FSHR: variants seen among roughly 807,000 people sequenced by gnomAD.
FSHR encodes the protein follicle-stimulating hormone receptor.
A neutral mutation model predicts 52.1 loss-of-function variants in FSHR; 46 were observed. The ratio of observed to expected loss-of-function variants is 0.88; its 90% CI spans 0.70 to 1.13. The LOEUF is 1.13. Ranked by LOEUF, FSHR falls within the 50% of genes most tolerant of loss-of-function variation. The probability of loss-of-function intolerance (pLI) is 0.00; values close to 1 mark genes in which losing one functional copy is unlikely to be tolerated. For synonymous variants in FSHR, 399 were observed against 309.6 expected, an observed-to-expected ratio of 1.29 and a Z score of -3.03; for missense variants, 964 against 834.6, an observed-to-expected ratio of 1.16 and a Z score of -1.91.
chr2:48,989,022 A>T lies in FSHR; in HGVS notation c.479T>A (p.Ile160Asn), dbSNP rs121909659. ...CAGCCCCACGAAAGAATTTCTTTCA[A>T]TTGTGTGGATGTTTATGTTATCTTG... The part of the protein sequence containing the change: ...DIQDNINIHT[I>N]ERNSFVGLSF... The change falls in exon 6 of 10, where the codon ATT (isoleucine) becomes AAT (asparagine). Residue 160 changes from isoleucine (I) to asparagine (N), a missense_variant. Ile to Asn is a moderately radical substitution (Grantham distance 149). Transcript: ENST00000406846. 4 of 1,613,938 alleles carry T rather than the reference A, an allele frequency of 2.5e-6. No individual in the cohort carries two copies. Among genetic ancestry groups the T allele is most frequent in the Non-Finnish European group, 3.4e-6 (4 of 1,179,898 alleles).
At chr2:48,996,051 A>G (rs1676011500) in intron 4 of FSHR, among the ~76,000 whole-genome samples, 4 of 152,196 alleles carry the variant, frequency 2.6e-5, no homozygotes, top group Middle Eastern at 6.8e-3. Flanking sequence ...TTATCCTTTT[A>G]GCCAAAGCGC....
rs768956432 is a variant in FSHR at position 49,028,330 on chromosome 2, C to T, written c.225-8170G>A. 3.0e-4 allele frequency among the ~76,000 whole-genome samples: 45 copies of T among 152,180 alleles called. 1 individual carries two copies. Among genetic ancestry groups the T allele is most frequent in the Non-Finnish European group, 5.4e-4 (37 of 68,036 alleles). ...ACTAATGGCTTTGTCTCATCAGGGC[C>T]CTGCTGACTCATATTTGTCTTGGTT... On this transcript the variant is annotated intron_variant, in intron 2 of 9. Transcript: ENST00000406846.
Position 49,072,039 on chromosome 2 carries a change from A to G in FSHR, c.153-3749T>C, listed in dbSNP as rs148891428. ...GTCATAATGGCTGGAAACCCCACCA[A>G]GTCAATAAAGAACACTAAAAACATA... On this transcript the variant is annotated intron_variant, in intron 1 of 9. Coordinates refer to ENST00000406846, the MANE Select transcript of FSHR (RefSeq NM_000145.4). Among the ~76,000 whole-genome samples the G allele has an allele frequency of 2.0e-5, 3 of 152,308 alleles. No individual in the cohort carries two copies. The East Asian group carries it at 5.8e-4, about 29-fold the overall frequency.
intron 1 of FSHR, among the ~76,000 whole-genome samples, chr2:49,144,127 C>T (rs1672786749): frequency 6.6e-6 from 1 of 152,098 alleles, no homozygotes; most frequent in South Asian, 2.1e-4. Flanking sequence ...CTTTTCCCAA[C>T]CACCAGAATG....
intron 1 of FSHR, among the ~76,000 whole-genome samples, chr2:49,133,965 C>T (rs1672393626): frequency 1.3e-5 from 2 of 152,146 alleles, no homozygotes; most frequent in African/African-American, 4.8e-5. Flanking sequence ...CCTAAAAACC[C>T]TAGAAGGAAA....
In FSHR at chr2:49,139,878, G is replaced by A. The variant is rs190977997; in HGVS notation, c.152+14388C>T. 1.3e-4 allele frequency among the ~76,000 whole-genome samples: 20 copies of A among 152,214 alleles called. No individual in the cohort carries two copies. In the East Asian group the frequency reaches 3.7e-3, roughly 28 times the overall value. On this transcript the variant is annotated intron_variant, in intron 1 of 9. Transcript: ENST00000406846. ...CTCCCAAAGTGCTGAGATTACAGGCGTGAGCCACCGCACCCAGCCCCAAGA... is the reference window on the plus strand; with the variant it reads ...CTCCCAAAGTGCTGAGATTACAGGCATGAGCCACCGCACCCAGCCCCAAGA...
At chr2:49,114,689 A>G (rs1299417679) in intron 1 of FSHR, among the ~76,000 whole-genome samples, 1 of 152,176 alleles carries the variant, frequency 6.6e-6, no homozygotes. Context: ...AATAGCAACA[A>G]TCACAGTACT....
intron 1 of FSHR, among the ~76,000 whole-genome samples, chr2:49,108,759 G>T (rs781011520): frequency 1.3e-5 from 2 of 152,154 alleles, no homozygotes; most frequent in Non-Finnish European, 2.9e-5. Context: ...GTGAATTGTG[G>T]CCTGGAGGCA....
At chr2:48,996,165 TC>T (rs1199230991) in intron 4 of FSHR, among the ~76,000 whole-genome samples, 1 of 152,170 alleles carries the variant, frequency 6.6e-6, no homozygotes, top group Admixed American at 6.6e-5. Flanking sequence ...GCCATTTGAT[TC>T]TTTTACTCTT....
At chr2:49,141,426 G>A (rs1672683365) in intron 1 of FSHR, among the ~76,000 whole-genome samples, 1 of 152,050 alleles carries the variant, frequency 6.6e-6, no homozygotes. Context: ...GGAGGAACAG[G>A]AATCCCACGT....
chr2:48,968,940 C>G (rs1184148131), intron 8 of FSHR, 57 bp from the exon 9 acceptor site: 19 of 1,524,822 alleles, frequency 1.2e-5, no homozygotes, highest in Admixed American at 8.7e-5. Context: ...ACTTTCTGCT[C>G]TTGGTTAGCA....
At chr2:49,009,483 T>C (rs1667193514) in intron 4 of FSHR, among the ~76,000 whole-genome samples, 1 of 143,366 alleles carries the variant, frequency 7.0e-6, no homozygotes, top group South Asian at 2.3e-4. Context: ...TTTGTTCTTT[T>C]GGCTTAGGAT....
chr2:49,069,824 C>T (rs1454937893), intron 1 of FSHR, among the ~76,000 whole-genome samples: 1 of 152,122 alleles, frequency 6.6e-6, no homozygotes, highest in African/African-American at 2.4e-5. Context: ...TTTCTTTCAT[C>T]TTTAACACGT....
At chr2:49,151,224 AG>A (rs1451208600) in intron 1 of FSHR, among the ~76,000 whole-genome samples, 3 of 151,750 alleles carry the variant, frequency 2.0e-5, no homozygotes, top group Non-Finnish European at 2.9e-5. Context: ...GAGATATAAA[AG>A]ATTCAAATTT....
chr2:48,999,712 G>A (rs1676173260), intron 4 of FSHR, among the ~76,000 whole-genome samples: 1 of 152,110 alleles, frequency 6.6e-6, no homozygotes, highest in African/African-American at 2.4e-5. Flanking sequence ...TTTAGGGAAT[G>A]CTGGGTTAAT....
At chr2:49,129,834 A>C (rs1308398384) in intron 1 of FSHR, among the ~76,000 whole-genome samples, 1 of 152,200 alleles carries the variant, frequency 6.6e-6, no homozygotes, top group Non-Finnish European at 1.5e-5. Flanking sequence ...GGCAGACCCT[A>C]CTGAGGTTGA....
At chr2:49,141,942 T>G (rs934430777) in intron 1 of FSHR, among the ~76,000 whole-genome samples, 2 of 152,232 alleles carry the variant, frequency 1.3e-5, no homozygotes, top group African/African-American at 2.4e-5. Flanking sequence ...TAAATTTTAG[T>G]TTCCTTATTT....
At chr2:49,061,567 TAC>T (rs1669291385) in intron 2 of FSHR, among the ~76,000 whole-genome samples, 1 of 145,240 alleles carries the variant, frequency 6.9e-6, no homozygotes, top group African/African-American at 2.5e-5. Context: ...CATATAAATA[TAC>T]ATATTTAGAT....
chr2:48,967,457 A>T (rs1033879471), intron 9 of FSHR, among the ~76,000 whole-genome samples: 3 of 152,118 alleles, frequency 2.0e-5, no homozygotes, highest in Non-Finnish European at 4.4e-5. Flanking sequence ...TTGGTGCAAA[A>T]TTGGTATCTT....
Sources: allele counts gnomAD v4.1 joint callset (sites outside exome capture counted in the v4.1 genomes callset), GRCh38; gene constraint gnomAD v4.1.1; transcripts MANE v1.5; gene names NCBI Gene and HGNC (gene_info 2026-07-23, HGNC 2026-07-21).